Variants in DNAH11 observed in about 807,000 individuals in gnomAD.
DNAH11 encodes axonemal beta dynein heavy chain 11.
A neutral mutation model predicts 526.0 loss-of-function variants in DNAH11; 442 were observed. The observed-to-expected ratio is 0.84, with a 90% CI of 0.78 to 0.91. The LOEUF (loss-of-function observed/expected upper bound fraction) is 0.91, where lower values mean the gene tolerates loss of function less well. DNAH11 is among the 40% of genes least tolerant of loss of function. The pLI, the probability that DNAH11 is intolerant of heterozygous loss-of-function variation, is 0.00. For synonymous variants in DNAH11, 2,461 were observed against 1,935.9 expected, an observed-to-expected ratio of 1.27 and a Z score of -7.12; for missense variants, 6,989 against 5,448.7, an observed-to-expected ratio of 1.28 and a Z score of -8.90.
At chr7:21,625,519 G>A (rs1355275085) in intron 25 of DNAH11, among the ~76,000 whole-genome samples, 4 of 151,942 alleles carry the variant, frequency 2.6e-5, no homozygotes, top group South Asian at 2.1e-4. Flanking sequence ...TGCTCTGATC[G>A]TTATCATTTT....
At chr7:21,628,500 C>T (rs1027669352) in intron 25 of DNAH11, among the ~76,000 whole-genome samples, 5 of 151,950 alleles carry the variant, frequency 3.3e-5, no homozygotes, top group East Asian at 1.9e-4. Flanking sequence ...TTATCATAAA[C>T]GGATGTTGAA....
intron 70 of DNAH11, among the ~76,000 whole-genome samples, chr7:21,865,207 G>A (rs1443502532): frequency 6.6e-6 from 1 of 152,076 alleles, no homozygotes; most frequent in East Asian, 1.9e-4. Context: ...TCCAGGATCT[G>A]GAGTATCTTA....
At chr7:21,852,729 G>A in intron 67 of DNAH11, 98 bp downstream of exon 67, 2 of 1,297,436 alleles carry the variant, frequency 1.5e-6, no homozygotes, top group East Asian at 2.5e-5. Context: ...TCCTCTAAGA[G>A]GACCAGCGTG....
Position 21,787,458 on chromosome 7 carries a change from T to C in DNAH11, c.9799T>C (p.Cys3267Arg). Residue 3267 changes from cysteine to arginine, a missense_variant, in exon 60 of 82, where the codon TGT becomes CGT. Transcript: ENST00000409508. ...NYDKEHIPENCLKVVNEHYLK... is the reference protein window; with the variant it reads ...NYDKEHIPENRLKVVNEHYLK... ...TGACAAAGAGCACATTCCAGAGAAC[T>C]GTCTAAAAGTGGTGAATGAACACTA... is the stretch of plus-strand genomic sequence containing the variant. The C allele has an allele frequency of 6.2e-7, 1 of 1,613,474 alleles. No individual in the cohort carries two copies. Among genetic ancestry groups the C allele is most frequent in the Non-Finnish European group, 8.5e-7 (1 of 1,179,606 alleles).
At chr7:21,874,534 T>A (rs994416594) in intron 74 of DNAH11, among the ~76,000 whole-genome samples, 3 of 151,650 alleles carry the variant, frequency 2.0e-5, no homozygotes, top group Middle Eastern at 3.2e-3. Flanking sequence ...CAGGGTTTCA[T>A]CATGTTAGCC....
At chr7:21,617,533 G>T in intron 22 of DNAH11, 86 bp from the exon 23 acceptor site, 1 of 1,457,688 alleles carries the variant, frequency 6.9e-7, no homozygotes, top group Non-Finnish European at 9.4e-7. Context: ...TCCAGGAGTT[G>T]GGAAATATAT....
intron 44 of DNAH11, among the ~76,000 whole-genome samples, chr7:21,721,901 C>T (rs189273611): frequency 6.6e-6 from 1 of 152,180 alleles, no homozygotes; most frequent in Non-Finnish European, 1.5e-5. Context: ...GAACCATAGT[C>T]AACCCTGGGT....
chr7:21,544,698 C>G (rs931994529), intron 1 of DNAH11, among the ~76,000 whole-genome samples: 1 of 152,054 alleles, frequency 6.6e-6, no homozygotes, highest in Non-Finnish European at 1.5e-5. Context: ...TACATGCCTA[C>G]GTGCTCCTTA....
Position 21,698,420 on chromosome 7 carries a change from TGAG to T in DNAH11, c.6180+211_6180+213del, listed in dbSNP as rs1008453559. On this transcript the variant is annotated intron_variant, in intron 36 of 81. Coordinates refer to ENST00000409508, the MANE Select transcript of DNAH11 (RefSeq NM_001277115.2). ...GTAATTTTTGAGATCTTGGTGCACC[TGAG>T]GAGTGTACACAGTACCCAGTGTGTA... Among the ~76,000 whole-genome samples, 62 of 152,276 alleles carry T rather than the reference TGAG, an allele frequency of 4.1e-4. 1 individual carries two copies. The highest frequency in any genetic ancestry group is 1.5e-3 in the African/African-American group (61 of 41,564).
At chr7:21,873,114 A>C (rs1319790921) in intron 73 of DNAH11, among the ~76,000 whole-genome samples, 160 bp from the exon 74 acceptor site, 2 of 149,190 alleles carry the variant, frequency 1.3e-5, no homozygotes, top group African/African-American at 2.5e-5. Context: ...TGATGTATTG[A>C]TGTATTGATA....
At chr7:21,797,614 A>C (rs1426401310) in intron 61 of DNAH11, among the ~76,000 whole-genome samples, 3 of 152,262 alleles carry the variant, frequency 2.0e-5, no homozygotes. Flanking sequence ...CAAATCTCTG[A>C]ATACACATAA....
Position 21,873,555 on chromosome 7 carries a change from A to G in DNAH11, c.12195+54A>G, listed in dbSNP as rs1783580279. On this transcript the variant is annotated intron_variant, in intron 74 of 81. Transcript: ENST00000409508. ...AATGAAGTCAGAGTCATCTCACAAGACTGTGGGGCCCAGAATCAACCCAGG... is the reference window on the plus strand; with the variant it reads ...AATGAAGTCAGAGTCATCTCACAAGGCTGTGGGGCCCAGAATCAACCCAGG... The G allele has an allele frequency of 1.9e-6, 3 of 1,555,294 alleles. No homozygotes were observed. The African/African-American group carries it at 4.1e-5, about 21-fold the overall frequency.
In DNAH11 at chr7:21,899,424, T is replaced by C; in HGVS notation, c.13138T>C (p.Phe4380Leu). 1 of 1,613,840 alleles carries C rather than the reference T, an allele frequency of 6.2e-7. No individual in the cohort carries two copies. Among genetic ancestry groups the C allele is most frequent in the Non-Finnish European group, 8.5e-7 (1 of 1,179,762 alleles). ...LPAVVWLSGF[F>L]NPQSFLTAIM... ...GGCTGTCGTGTGGCTCTCCGGCTTCTTCAACCCTCAGTCCTTCTTAACTGG... is the reference window on the plus strand; with the variant it reads ...GGCTGTCGTGTGGCTCTCCGGCTTCCTCAACCCTCAGTCCTTCTTAACTGG... Residue 4380 changes from phenylalanine (F) to leucine (L), a missense_variant, in exon 80 of 82, where the codon TTC becomes CTC. Physicochemically the swap from Phe to Leu is conservative, Grantham distance 22. Transcript: ENST00000409508.
intron 65 of DNAH11, among the ~76,000 whole-genome samples, chr7:21,823,895 T>C (rs1375935789): frequency 6.6e-6 from 1 of 152,208 alleles, no homozygotes; most frequent in Non-Finnish European, 1.5e-5. Context: ...GGTTTCCTTC[T>C]TCAGGGTGCC....
chr7:21,752,030 T>C (rs1312697990), intron 54 of DNAH11, among the ~76,000 whole-genome samples: 1 of 152,222 alleles, frequency 6.6e-6, no homozygotes, highest in African/African-American at 2.4e-5. Context: ...TTTTTAAAAA[T>C]GCATTTTCTC....
At chr7:21,573,691 A>T (rs1562671166) in intron 8 of DNAH11, among the ~76,000 whole-genome samples, 1 of 152,108 alleles carries the variant, frequency 6.6e-6, no homozygotes, top group Non-Finnish European at 1.5e-5. Context: ...AACCTAGTGT[A>T]TGCATATATT....
chr7:21,699,258 A>G (rs1783969318), intron 36 of DNAH11, among the ~76,000 whole-genome samples: 1 of 152,092 alleles, frequency 6.6e-6, no homozygotes. Context: ...TTTGTGCTCT[A>G]CAATTTCCTT....
At chr7:21,589,447 A>G in intron 12 of DNAH11, 44 bp downstream of exon 12, 1 of 1,451,108 alleles carries the variant, frequency 6.9e-7, no homozygotes, top group Non-Finnish European at 9.4e-7. Context: ...TGCCCTTTTT[A>G]TTATAAGCCT....
chr7:21,554,840 A>G (rs1276764705), intron 2 of DNAH11, among the ~76,000 whole-genome samples: 1 of 152,190 alleles, frequency 6.6e-6, no homozygotes, highest in Non-Finnish European at 1.5e-5. Flanking sequence ...GCTGTGTGGA[A>G]GGGATAGGGA....
Sources: allele counts gnomAD v4.1 joint callset (sites outside exome capture counted in the v4.1 genomes callset), GRCh38; gene constraint gnomAD v4.1.1; transcripts MANE v1.5; gene names NCBI Gene and HGNC (gene_info 2026-07-23, HGNC 2026-07-21).